ZNF407: variants seen among roughly 807,000 people sequenced by gnomAD.
The protein encoded by ZNF407 is zinc finger protein 407.
Under a neutral mutation model 131.2 loss-of-function variants are expected in ZNF407, and 17 were observed. That is an observed-to-expected ratio of 0.13 (90% CI 0.09 to 0.19). The LOEUF (loss-of-function observed/expected upper bound fraction) is 0.19, where lower values mean the gene tolerates loss of function less well. Among genes scored for constraint, ZNF407 ranks in the 10% least tolerant of loss-of-function variants. The pLI, the probability that ZNF407 is intolerant of heterozygous loss-of-function variation, is 1.00. For missense variants in ZNF407, 2,681 were observed against 2,830.6 expected, an observed-to-expected ratio of 0.95 and a Z score of 1.20; for synonymous variants, 1,156 against 1,062.0, an observed-to-expected ratio of 1.09 and a Z score of -1.72.
intron 8 of ZNF407, among the ~76,000 whole-genome samples, chr18:74,946,246 G>A (rs1452405999): frequency 1.3e-5 from 2 of 152,142 alleles, no homozygotes; most frequent in African/African-American, 2.4e-5. Flanking sequence ...TCAGGTTTGT[G>A]ACTAACAGTA....
At chr18:74,874,401 T>C (rs937242230) in intron 4 of ZNF407, among the ~76,000 whole-genome samples, 1 of 152,180 alleles carries the variant, frequency 6.6e-6, no homozygotes, top group African/African-American at 2.4e-5. Context: ...AAGTCCACCA[T>C]GTGGGGATAG....
At chr18:74,617,177 T>TCCACACA (rs1983349867) in intron 1 of ZNF407, among the ~76,000 whole-genome samples, 1 of 152,136 alleles carries the variant, frequency 6.6e-6, no homozygotes, top group Admixed American at 6.5e-5. Flanking sequence ...CACATCCATA[T>TCCACACA]CCACACACAT....
Position 74,635,097 on chromosome 18 carries a change from A to C in ZNF407, c.4078A>C (p.Ile1360Leu). ...CAGTTTTGGTCGATTTGACTCCTCCATAATAAGAATAAAGAACCCTGAAGA... is the reference window on the plus strand; with the variant it reads ...CAGTTTTGGTCGATTTGACTCCTCCCTAATAAGAATAAAGAACCCTGAAGA... ...MYSFGRFDSSIIRIKNPEDGE... is the reference protein window; with the variant it reads ...MYSFGRFDSSLIRIKNPEDGE... Residue 1360 changes from isoleucine (I) to leucine (L), a missense_variant, in exon 2 of 9, where the codon ATA (isoleucine) becomes CTA (leucine). Physicochemically the swap from Ile to Leu is conservative, Grantham distance 5. Coordinates refer to ENST00000299687, the MANE Select transcript of ZNF407 (RefSeq NM_017757.3). The surrounding 1 kb of genome is among the most constrained non-coding windows in gnomAD (Gnocchi z 4.7). The C allele has an allele frequency of 6.2e-7, 1 of 1,613,948 alleles. No individual in the cohort carries two copies. Among genetic ancestry groups the C allele is most frequent in the Non-Finnish European group, 8.5e-7 (1 of 1,179,876 alleles).
rs527326366 is a variant in ZNF407 at position 74,670,732 on chromosome 18, C to T, written c.4802+29610C>T. On this transcript the variant is annotated intron_variant, in intron 3 of 8. Coordinates refer to ENST00000299687, the MANE Select transcript of ZNF407 (RefSeq NM_017757.3). ...TGTGTGTGTTGCTTAGGCTGGAGCA[C>T]GGGGGCATGATCATAGCTCGCTGCA... Among the ~76,000 whole-genome samples the T allele has an allele frequency of 1.3e-4, 20 of 152,212 alleles. 1 individual carries two copies. The South Asian group carries it at 1.9e-3, about 14-fold the overall frequency.
At chr18:75,045,829 G>A (rs536602008) in intron 8 of ZNF407, among the ~76,000 whole-genome samples, 1 of 151,542 alleles carries the variant, frequency 6.6e-6, no homozygotes, top group African/African-American at 2.4e-5. Flanking sequence ...GTATGCATTG[G>A]GGGGAGGTAG....
intron 7 of ZNF407, among the ~76,000 whole-genome samples, chr18:74,900,047 T>C (rs1971503176): frequency 6.6e-6 from 1 of 152,232 alleles, no homozygotes; most frequent in African/African-American, 2.4e-5. Context: ...AAAATCACTT[T>C]CTGAAATGTA....
chr18:74,872,736 C>G (rs1490372546), intron 4 of ZNF407, among the ~76,000 whole-genome samples: 1 of 132,894 alleles, frequency 7.5e-6, no homozygotes, highest in African/African-American at 2.9e-5. Flanking sequence ...AGCCTGGTGG[C>G]AGAGCGAGAC....
At chr18:74,774,519 C>T in intron 3 of ZNF407, among the ~76,000 whole-genome samples, 1 of 152,130 alleles carries the variant, frequency 6.6e-6, no homozygotes, top group East Asian at 1.9e-4. Context: ...TACTTTTATC[C>T]TGATACTATG....
intron 4 of ZNF407, among the ~76,000 whole-genome samples, chr18:74,853,741 C>A (rs1970821526): frequency 6.6e-6 from 1 of 152,022 alleles, no homozygotes; most frequent in African/African-American, 2.4e-5. Context: ...TCTGTCCATC[C>A]CCACTGTGTA....
At chr18:74,724,604 A>G (rs1239727463) in intron 3 of ZNF407, among the ~76,000 whole-genome samples, 2 of 152,204 alleles carry the variant, frequency 1.3e-5, no homozygotes, top group South Asian at 4.1e-4. Context: ...AAAAATATAT[A>G]TAGATTTAAA....
At chr18:74,737,381 G>A (rs778866190) in intron 3 of ZNF407, among the ~76,000 whole-genome samples, 4 of 152,140 alleles carry the variant, frequency 2.6e-5, no homozygotes, top group Non-Finnish European at 5.9e-5. Flanking sequence ...TTACTCTGGA[G>A]AAATGTAACA....
chr18:74,631,872 A>G lies in ZNF407; in HGVS notation c.853A>G (p.Thr285Ala). 3 of 1,613,948 alleles carry G rather than the reference A, an allele frequency of 1.9e-6. No individual in the cohort carries two copies. The highest frequency in any genetic ancestry group is 2.5e-6 in the Non-Finnish European group (3 of 1,179,896). The change falls in exon 2 of 9, where the codon ACA becomes GCA. Residue 285 changes from threonine (T) to alanine (A), a missense_variant. Transcript: ENST00000299687. ...TCGTGGAGGATTTGTACAGATCTTA[A>G]CAAAACAACCTTTTCCTAAAAAATC... ...AARGGFVQIL[T>A]KQPFPKKSRT...
At chr18:74,676,722 C>A (rs1429295234) in intron 3 of ZNF407, among the ~76,000 whole-genome samples, 15 of 152,290 alleles carry the variant, frequency 9.8e-5, no homozygotes, top group Middle Eastern at 3.4e-3. Context: ...ACGTGAGCCA[C>A]TGTGCCCGGC....
intron 3 of ZNF407, among the ~76,000 whole-genome samples, chr18:74,720,408 C>T (rs1049344046): frequency 2.0e-5 from 3 of 150,906 alleles, no homozygotes; most frequent in Non-Finnish European, 4.4e-5. Context: ...ATTAATCCCT[C>T]GTTGGATAAG....
chr18:74,693,643 G>T (rs1232028157), intron 3 of ZNF407, among the ~76,000 whole-genome samples: 2 of 152,082 alleles, frequency 1.3e-5, no homozygotes, highest in Admixed American at 6.5e-5. Flanking sequence ...TGTTCACTAA[G>T]ATTTCTCCTT....
At chr18:74,898,636 C>G (rs1444155612) in intron 7 of ZNF407, among the ~76,000 whole-genome samples, 1 of 151,962 alleles carries the variant, frequency 6.6e-6, no homozygotes, top group Non-Finnish European at 1.5e-5. Context: ...CAACCTAGTC[C>G]TCATTTTGTA....
intron 8 of ZNF407, among the ~76,000 whole-genome samples, chr18:74,983,950 T>G (rs576994785): frequency 6.6e-6 from 1 of 152,360 alleles, no homozygotes; most frequent in South Asian, 2.1e-4. Context: ...TCTCATTTGA[T>G]CTTCTTGTAT....
chr18:75,064,175 G>C lies in ZNF407; in HGVS notation c.6454G>C (p.Val2152Leu). Residue 2152 changes from valine (V) to leucine (L), a missense_variant, in exon 9 of 9, where the codon GTC becomes CTC. Physicochemically the swap from Val to Leu is conservative, Grantham distance 32 (BLOSUM62 1). Around this residue, in one of 6 missense-constraint regions of ZNF407, gnomAD observed 620 missense variants for 583.1 expected, o/e 1.06. Transcript: ENST00000299687. ...ISQIIVTEELVQAMVQESSGG... is the reference protein window; with the variant it reads ...ISQIIVTEELLQAMVQESSGG... ...GCAGATCATCGTGACGGAGGAGCTG[G>C]TCCAGGCCATGGTGCAGGAGTCCAG... is the stretch of plus-strand genomic sequence containing the variant. 4 of 1,604,620 alleles carry C rather than the reference G, an allele frequency of 2.5e-6. No individual in the cohort carries two copies. The highest frequency in any genetic ancestry group is 3.4e-6 in the Non-Finnish European group (4 of 1,176,034).
At chr18:74,900,903 T>C (rs1421991274) in intron 7 of ZNF407, among the ~76,000 whole-genome samples, 1 of 152,232 alleles carries the variant, frequency 6.6e-6, no homozygotes. Flanking sequence ...TTTAAATTGT[T>C]CCCTACCTTC....
Sources: allele counts gnomAD v4.1 joint callset (sites outside exome capture counted in the v4.1 genomes callset), GRCh38; gene constraint gnomAD v4.1.1; regional missense constraint gnomAD v4.1.1; non-coding constraint Gnocchi (gnomAD v3.1); transcripts MANE v1.5; gene names NCBI Gene and HGNC (gene_info 2026-07-23, HGNC 2026-07-21).